Variants in GRID2 observed in about 807,000 individuals in gnomAD.
The protein encoded by GRID2 is glutamate receptor ionotropic, delta-2.
GRID2 carries 33 observed loss-of-function variants against 114.8 expected under a neutral mutation model. The observed-to-expected ratio is 0.29, with a 90% confidence interval of 0.22 to 0.38. The LOEUF is 0.38. Ranked by LOEUF, GRID2 falls within the 10% of genes least tolerant of loss-of-function variation. GRID2 has a pLI of 1.00. For synonymous variants in GRID2, 505 were observed against 449.9 expected (o/e 1.12, Z -1.55); for missense variants, 1,184 against 1,257.7 (o/e 0.94, Z 0.89).
At chr4:93,724,105 C>T (rs937843118) in intron 14 of GRID2, among the ~76,000 whole-genome samples, 1 of 152,158 alleles carries the variant, frequency 6.6e-6, no homozygotes, top group African/African-American at 2.4e-5. Flanking sequence ...TTAAAAGACA[C>T]GAAATGAGTC....
chr4:93,472,249 G>C (rs1384339553), intron 11 of GRID2, among the ~76,000 whole-genome samples: 1 of 151,842 alleles, frequency 6.6e-6, no homozygotes, highest in East Asian at 2.0e-4. Flanking sequence ...ATTGAACCCA[G>C]AAGGCGGAGG....
chr4:92,454,965 G>C lies in GRID2; in HGVS notation c.89-135166G>C, dbSNP rs951993506. 1.3e-5 allele frequency among the ~76,000 whole-genome samples: 2 copies of C among 152,234 alleles called. 1 individual carries two copies. The highest frequency in any genetic ancestry group is 4.1e-4 in the South Asian group (2 of 4,828). On this transcript the variant is annotated intron_variant, in intron 1 of 15. Transcript: ENST00000282020. ...TATTTAAAAAAAATTATTTCTAAGA[G>C]GTTGATTTTAAACTGTTTTCCTACT...
chr4:93,064,201 A>G (rs956707203), intron 2 of GRID2, among the ~76,000 whole-genome samples: 1 of 150,786 alleles, frequency 6.6e-6, no homozygotes, highest in African/African-American at 2.4e-5. Flanking sequence ...GCACCAACCT[A>G]ATACTATCTA....
At chr4:93,362,053 A>G (rs1761932118) in intron 8 of GRID2, among the ~76,000 whole-genome samples, 1 of 152,050 alleles carries the variant, frequency 6.6e-6, no homozygotes, top group Non-Finnish European at 1.5e-5. Context: ...AAATCAATCC[A>G]GTCAACAGTC....
chr4:92,686,601 A>G (rs989203105), intron 2 of GRID2, among the ~76,000 whole-genome samples: 1 of 152,086 alleles, frequency 6.6e-6, no homozygotes, highest in East Asian at 1.9e-4. Context: ...TGTAAAAACA[A>G]CTGATCATTC....
chr4:93,264,395 A>G (rs973879435), intron 8 of GRID2, among the ~76,000 whole-genome samples: 1 of 152,070 alleles, frequency 6.6e-6, no homozygotes, highest in African/African-American at 2.4e-5. Flanking sequence ...TACCAAGGTG[A>G]CAATAATTAG....
chr4:92,364,582 G>T (rs749590394), intron 1 of GRID2, among the ~76,000 whole-genome samples: 10 of 151,730 alleles, frequency 6.6e-5, no homozygotes, highest in African/African-American at 1.7e-4. Context: ...TTGAGGAGAG[G>T]TCTAGTATAG....
intron 11 of GRID2, among the ~76,000 whole-genome samples, chr4:93,471,276 T>G (rs1312309700): frequency 6.6e-6 from 1 of 152,214 alleles, no homozygotes; most frequent in African/African-American, 2.4e-5. Context: ...CTGTGCTGCT[T>G]CTTATAGATA....
At chr4:93,247,856 A>G (rs2149526338) in intron 8 of GRID2, among the ~76,000 whole-genome samples, 1 of 152,182 alleles carries the variant, frequency 6.6e-6, no homozygotes, top group Admixed American at 6.5e-5. Context: ...GAATTTAGCT[A>G]CTATTGGCAT....
At chr4:93,302,541 C>T (rs181584491) in intron 8 of GRID2, 3 of 454,960 alleles carry the variant, frequency 6.6e-6, no homozygotes, top group East Asian at 1.4e-4. Flanking sequence ...TTGTGTAATA[C>T]ACATACATAT....
intron 3 of GRID2, among the ~76,000 whole-genome samples, chr4:93,094,416 A>T (rs1731029545): frequency 6.6e-6 from 1 of 152,066 alleles, no homozygotes; most frequent in South Asian, 2.1e-4. Context: ...AAAAAAAGTC[A>T]TTCTTTATTT....
intron 1 of GRID2, among the ~76,000 whole-genome samples, chr4:92,536,241 T>C (rs531124301): frequency 1.3e-5 from 2 of 152,274 alleles, no homozygotes; most frequent in South Asian, 4.1e-4. Flanking sequence ...TACAATCCTT[T>C]AACTAGACAG....
intron 8 of GRID2, among the ~76,000 whole-genome samples, chr4:93,288,409 T>C (rs1753402394): frequency 6.6e-6 from 1 of 152,204 alleles, no homozygotes; most frequent in Non-Finnish European, 1.5e-5. Flanking sequence ...GGTCCAAGAC[T>C]TCAGAACTCA....
At chr4:93,352,929 A>T (rs937631586) in intron 8 of GRID2, among the ~76,000 whole-genome samples, 4 of 152,102 alleles carry the variant, frequency 2.6e-5, no homozygotes, top group African/African-American at 9.6e-5. Flanking sequence ...GAGTATGCAT[A>T]AAAAAGATGT....
intron 2 of GRID2, among the ~76,000 whole-genome samples, chr4:92,596,848 G>A (rs184455847): frequency 6.4e-4 from 97 of 152,104 alleles, no homozygotes; most frequent in African/African-American, 2.2e-3. Context: ...TTCCAAGATT[G>A]AGCCAGCTAC....
intron 1 of GRID2, among the ~76,000 whole-genome samples, chr4:92,419,625 C>G (rs1731795197): frequency 6.6e-6 from 1 of 152,056 alleles, no homozygotes; most frequent in African/African-American, 2.4e-5. Flanking sequence ...ATTTCTTTAA[C>G]TGCTTCTTAA....
chr4:93,387,829 CAAAAAAAAA>C (rs11453782), intron 8 of GRID2, among the ~76,000 whole-genome samples: 1 of 99,102 alleles, frequency 1.0e-5, no homozygotes, highest in African/African-American at 3.2e-5. Context: ...GACTCTGTCT[CAAAAAAAAA>C]AAAAAAAAGA....
chr4:92,891,487 A>T (rs558222880), intron 2 of GRID2, among the ~76,000 whole-genome samples: 1 of 152,272 alleles, frequency 6.6e-6, no homozygotes, highest in African/African-American at 2.4e-5. Context: ...AAGAAGTGTG[A>T]AGTGTTTTGG....
chr4:93,316,291 C>CGAACGAAAGAAA (rs1756595128), intron 8 of GRID2, among the ~76,000 whole-genome samples: 3 of 77,122 alleles, frequency 3.9e-5, no homozygotes, highest in African/African-American at 5.5e-5. Context: ...AACGAAAGAA[C>CGAACGAAAGAAA]GAAAGAAAGA....
Sources: allele counts gnomAD v4.1 joint callset (sites outside exome capture counted in the v4.1 genomes callset), GRCh38; gene constraint gnomAD v4.1.1; transcripts MANE v1.5; gene names NCBI Gene and HGNC (gene_info 2026-07-23, HGNC 2026-07-21).